PRKG1: variants seen among roughly 807,000 people sequenced by gnomAD.
The protein encoded by PRKG1 is protein kinase cGMP-dependent 1.
A neutral mutation model predicts 88.1 loss-of-function variants in PRKG1; 35 were observed. The observed-to-expected ratio is 0.40, with a 90% confidence interval of 0.30 to 0.53. The LOEUF is 0.53. Ranked by LOEUF, PRKG1 falls within the 20% of genes least tolerant of loss-of-function variation. The probability of loss-of-function intolerance (pLI) is 0.59; values close to 1 mark genes in which losing one functional copy is unlikely to be tolerated. For missense variants in PRKG1, 540 were observed against 839.8 expected (o/e 0.64, Z 4.41); for synonymous variants, 303 against 292.5 (o/e 1.04, Z -0.37).
chr10:51,594,099 A>C (rs1453509165), intron 3 of PRKG1, among the ~76,000 whole-genome samples: 1 of 152,028 alleles, frequency 6.6e-6, no homozygotes, highest in Non-Finnish European at 1.5e-5. Context: ...ATCATAGCTC[A>C]CTGCAGTCTC....
intron 7 of PRKG1, among the ~76,000 whole-genome samples, chr10:52,068,831 G>A (rs577707242): frequency 6.6e-6 from 1 of 152,306 alleles, no homozygotes; most frequent in African/African-American, 2.4e-5. Context: ...TGTAAACTAA[G>A]CCAATTGAAC....
chr10:51,728,275 T>C (rs188157643), intron 3 of PRKG1, among the ~76,000 whole-genome samples: 2 of 152,064 alleles, frequency 1.3e-5, no homozygotes, highest in African/African-American at 4.8e-5. Context: ...AGATATTGCC[T>C]ATAATGCCCC....
chr10:51,433,946 C>T lies in PRKG1; in HGVS notation c.479-33777C>T, dbSNP rs1378921554. Among the ~76,000 whole-genome samples, 8 of 152,022 alleles carry T rather than the reference C, an allele frequency of 5.3e-5. No homozygotes were observed. In the East Asian group the frequency reaches 1.4e-3, roughly 26 times the overall value. The stretch of plus-strand genomic sequence containing the variant: ...ATGCACTTCAAAACAGGTATTAAAA[C>T]CTTTACTTTATAGGTAAGAAAACTG... On this transcript the variant is annotated intron_variant, in intron 2 of 17. Transcript: ENST00000373980.
chr10:52,191,833 T>G (rs1839370954), intron 9 of PRKG1, among the ~76,000 whole-genome samples: 1 of 152,166 alleles, frequency 6.6e-6, no homozygotes, highest in Non-Finnish European at 1.5e-5. Flanking sequence ...GCTATCTCAT[T>G]AGGTTTTTAA....
At chr10:51,380,912 A>G (rs1373190749) in intron 2 of PRKG1, among the ~76,000 whole-genome samples, 2 of 152,096 alleles carry the variant, frequency 1.3e-5, no homozygotes, top group Admixed American at 6.6e-5. Flanking sequence ...GTGTGCTGGG[A>G]GATAAATTAT....
chr10:51,733,230 G>T (rs1837167481), intron 3 of PRKG1, among the ~76,000 whole-genome samples: 1 of 152,014 alleles, frequency 6.6e-6, no homozygotes, highest in Non-Finnish European at 1.5e-5. Flanking sequence ...ACTTTAGGGG[G>T]AAACACACAT....
intron 10 of PRKG1, among the ~76,000 whole-genome samples, chr10:52,256,782 G>A (rs904844152): frequency 7.2e-6 from 1 of 139,456 alleles, no homozygotes; most frequent in African/African-American, 2.5e-5. Flanking sequence ...AAGAGCCAGA[G>A]GTCTTCAAAT....
intron 4 of PRKG1, among the ~76,000 whole-genome samples, chr10:51,844,622 A>G (rs1328092269): frequency 1.3e-5 from 2 of 152,178 alleles, no homozygotes. Context: ...AAATCAATCT[A>G]CTTTTATTAG....
intron 5 of PRKG1, among the ~76,000 whole-genome samples, chr10:51,966,945 C>T (rs1402421665): frequency 6.6e-6 from 1 of 152,144 alleles, no homozygotes; most frequent in Non-Finnish European, 1.5e-5. Flanking sequence ...AAAAGGAACA[C>T]ATTTACACTG....
intron 3 of PRKG1, among the ~76,000 whole-genome samples, chr10:51,540,594 G>A (rs1842276047): frequency 6.6e-6 from 1 of 152,300 alleles, no homozygotes; most frequent in African/African-American, 2.4e-5. Context: ...TGTGTGCTAT[G>A]TATGTCAGGG....
intron 1 of PRKG1, among the ~76,000 whole-genome samples, chr10:51,064,696 G>C (rs1022316745): frequency 6.6e-6 from 1 of 151,958 alleles, no homozygotes. Context: ...ATCTACCTGA[G>C]AAATTTTCTT....
At position 51,858,332 on chromosome 10, in the gene PRKG1, AATAT is replaced by A. The variant is rs1203634825; in HGVS notation, c.699-49168_699-49165del. On this transcript the variant is annotated intron_variant, in intron 4 of 17. Coordinates refer to ENST00000373980, the MANE Select transcript of PRKG1 (RefSeq NM_006258.4). ...TATATGTATAATATGTATTATATAT[AATAT>A]ATATATTATATAAAATATATATATT... 1.1e-4 allele frequency among the ~76,000 whole-genome samples: 3 copies of A among 27,498 alleles called. 1 individual carries two copies. The highest frequency in any genetic ancestry group is 2.4e-4 in the Non-Finnish European group (3 of 12,744). The allele number at this position is 27,498 out of a possible 152,430, so 18.0% of individuals were successfully genotyped here. A position where few individuals can be genotyped will look rare whatever the true frequency, so the allele number is the denominator to read the frequency against.
At chr10:51,121,684 A>C (rs780382619) in intron 1 of PRKG1, among the ~76,000 whole-genome samples, 10 of 152,182 alleles carry the variant, frequency 6.6e-5, no homozygotes, top group Non-Finnish European at 1.2e-4. Context: ...AACCGTAAGA[A>C]CACAGATAAT....
intron 9 of PRKG1, among the ~76,000 whole-genome samples, chr10:52,169,483 C>T (rs1447360834): frequency 6.6e-6 from 1 of 152,082 alleles, no homozygotes; most frequent in Non-Finnish European, 1.5e-5. Flanking sequence ...CCAATAACCT[C>T]CCAAAGGCTC....
At chr10:51,087,201 T>A (rs531274869) in intron 1 of PRKG1, among the ~76,000 whole-genome samples, 1 of 152,276 alleles carries the variant, frequency 6.6e-6, no homozygotes, top group Non-Finnish European at 1.5e-5. Flanking sequence ...TTTCTGGACC[T>A]AGAAACAATT....
At chr10:51,068,873 G>C in intron 1 of PRKG1, among the ~76,000 whole-genome samples, 1 of 151,872 alleles carries the variant, frequency 6.6e-6, no homozygotes, top group East Asian at 1.9e-4. Context: ...CAGTAAAATG[G>C]TGTCTTGTGA....
At chr10:51,471,387 C>A (rs73336233) in intron 3 of PRKG1, among the ~76,000 whole-genome samples, 2 of 151,800 alleles carry the variant, frequency 1.3e-5, no homozygotes, top group East Asian at 3.9e-4. Context: ...CCGTTTTCAA[C>A]CCCACAGGGG....
At chr10:51,403,424 T>C (rs550615220) in intron 2 of PRKG1, among the ~76,000 whole-genome samples, 1 of 152,290 alleles carries the variant, frequency 6.6e-6, no homozygotes, top group South Asian at 2.1e-4. Context: ...AACTAAGATA[T>C]CTCCTAAGAC....
chr10:52,263,319 CAT>C (rs1266087229), intron 10 of PRKG1, among the ~76,000 whole-genome samples: 1 of 151,956 alleles, frequency 6.6e-6, no homozygotes. Context: ...GTAAATGAAA[CAT>C]GTAGCTACCT....
Sources: gnomAD v4.1 joint callset for allele counts (sites outside exome capture counted in the v4.1 genomes callset) on GRCh38, gnomAD v4.1.1 for gene constraint, MANE v1.5 for transcripts, NCBI Gene and HGNC (gene_info 2026-07-23, HGNC 2026-07-21) for gene names.